The following RAVER2 variants were observed in gnomAD, a reference collection of about 807,000 sequenced individuals.
RAVER2 encodes ribonucleoprotein, PTB binding 2, also known as ribonucleoprotein PTB-binding 2.
A neutral mutation model predicts 78.1 loss-of-function variants in RAVER2; 46 were observed. The ratio of observed to expected loss-of-function variants is 0.59; its 90% CI spans 0.46 to 0.75. The LOEUF is 0.75. RAVER2 is among the 30% of genes least tolerant of loss of function. The probability of loss-of-function intolerance (pLI) is 0.00; values close to 1 mark genes in which losing one functional copy is unlikely to be tolerated. For synonymous variants in RAVER2, 311 were observed against 313.3 expected (o/e 0.99, Z 0.08); for missense variants, 793 against 837.5 (o/e 0.95, Z 0.66).
chr1:64,798,508 C>T (rs1653165382), intron 5 of RAVER2, among the ~76,000 whole-genome samples: 1 of 151,802 alleles, frequency 6.6e-6, no homozygotes, highest in African/African-American at 2.4e-5. Flanking sequence ...CACTGACTTC[C>T]ACAATGGTTG....
At chr1:64,801,593 G>A (rs559931493) in intron 5 of RAVER2, among the ~76,000 whole-genome samples, 67 of 150,152 alleles carry the variant, frequency 4.5e-4, no homozygotes, top group African/African-American at 1.6e-3. Flanking sequence ...CTCCAGGCCG[G>A]GCGCGGTGGC....
At chr1:64,792,898 AATG>A (rs1220469608) in intron 5 of RAVER2, among the ~76,000 whole-genome samples, 1 of 152,170 alleles carries the variant, frequency 6.6e-6, no homozygotes, top group Non-Finnish European at 1.5e-5. Flanking sequence ...CAACTAAATT[AATG>A]ATAAAGAATT....
chr1:64,778,229 C>G, intron 3 of RAVER2, 137 bp downstream of exon 3: 2 of 733,320 alleles, frequency 2.7e-6, no homozygotes, highest in South Asian at 5.1e-5. Context: ...GTAGGGAAGA[C>G]TTTGATCTCA....
chr1:64,753,502 C>T (rs1651758565), intron 1 of RAVER2, among the ~76,000 whole-genome samples: 1 of 151,260 alleles, frequency 6.6e-6, no homozygotes, highest in Non-Finnish European at 1.5e-5. Flanking sequence ...CAACGTCTAC[C>T]CTCTGGCAAT....
At chr1:64,830,993 T>C in exon 12 of RAVER2, 1 of 1,610,898 alleles carries the variant, frequency 6.2e-7, no homozygotes, top group Non-Finnish European at 8.5e-7. Flanking sequence ...TGAGTTAAGC[T>C]CTCTCCTAAT....
chr1:64,771,720 T>A (rs569622754), intron 2 of RAVER2, among the ~76,000 whole-genome samples: 73 of 152,144 alleles, frequency 4.8e-4, no homozygotes, highest in African/African-American at 1.6e-3. Context: ...CGTTTGACAA[T>A]TGACTGTGAT....
intron 6 of RAVER2, among the ~76,000 whole-genome samples, chr1:64,804,115 C>T (rs1653345534): frequency 6.6e-6 from 1 of 152,146 alleles, no homozygotes; most frequent in African/African-American, 2.4e-5. Flanking sequence ...GGTCCTTCTT[C>T]CTGGAACGCT....
intron 1 of RAVER2, among the ~76,000 whole-genome samples, chr1:64,746,784 A>G (rs1041567657): frequency 5.3e-5 from 8 of 152,126 alleles, no homozygotes; most frequent in Non-Finnish European, 1.0e-4. Context: ...CAATGGACTG[A>G]TTTCTTGGAA....
chr1:64,768,200 A>G (rs568704121), intron 1 of RAVER2, among the ~76,000 whole-genome samples: 4 of 152,148 alleles, frequency 2.6e-5, no homozygotes, highest in Non-Finnish European at 4.4e-5. Context: ...ACTTATTTCC[A>G]CAAGAGAGGC....
intron 5 of RAVER2, 64 bp from the exon 6 acceptor site, chr1:64,802,912 C>A: frequency 9.1e-7 from 1 of 1,098,994 alleles, no homozygotes; most frequent in South Asian, 1.5e-5. Flanking sequence ...CTTTTCGAAG[C>A]TTGGTTTTTA....
At chr1:64,806,021 A>G (rs763722197) in intron 8 of RAVER2, among the ~76,000 whole-genome samples, 11 of 152,324 alleles carry the variant, frequency 7.2e-5, no homozygotes, top group African/African-American at 1.2e-4. Flanking sequence ...CTATATTCTA[A>G]ACGTTAGGGG....
intron 4 of RAVER2, 149 bp downstream of exon 4, chr1:64,781,720 A>C (rs1652635391): frequency 1.2e-6 from 1 of 829,356 alleles, no homozygotes; most frequent in East Asian, 2.8e-5. Flanking sequence ...TTTTTTAAAA[A>C]AGGTTAGCTA....
chr1:64,753,597 A>C (rs1190403706), intron 1 of RAVER2, among the ~76,000 whole-genome samples: 1 of 143,540 alleles, frequency 7.0e-6, no homozygotes, highest in Non-Finnish European at 1.5e-5. Context: ...GGCTCACTGC[A>C]ACTGTAACCT....
chr1:64,765,405 CAG>C (rs1176393126), intron 1 of RAVER2, among the ~76,000 whole-genome samples: 1 of 152,162 alleles, frequency 6.6e-6, no homozygotes, highest in African/African-American at 2.4e-5. Context: ...ACTATAGTCA[CAG>C]AATGGCATAG....
chr1:64,747,225 AT>A lies in RAVER2; in HGVS notation c.249+1811del, dbSNP rs1309202176. 2.6e-5 allele frequency among the ~76,000 whole-genome samples: 4 copies of A among 152,188 alleles called. No individual in the cohort carries two copies. In the East Asian group the frequency reaches 7.7e-4, roughly 29 times the overall value. ...TAATATTTTCATATGTTCTGCATGA[AT>A]TTTTTTGTATTTTTTGTTTTAACAA... On this transcript the variant is annotated intron_variant, in intron 1 of 11. Coordinates refer to ENST00000294428, the Ensembl canonical transcript of RAVER2.
At chr1:64,801,001 G>GT (rs924501887) in intron 5 of RAVER2, among the ~76,000 whole-genome samples, 9 of 151,120 alleles carry the variant, frequency 6.0e-5, no homozygotes, top group South Asian at 2.1e-4. Context: ...ATAGTACAGT[G>GT]TTTTTTTATT....
At chr1:64,778,070 T>C in exon 3 of RAVER2, 1 of 1,609,908 alleles carries the variant, frequency 6.2e-7, no homozygotes, top group Non-Finnish European at 8.5e-7. Context: ...TTTTCCAGTG[T>C]CCATAAACCT....
chr1:64,801,591 C>T (rs748133514), intron 5 of RAVER2, among the ~76,000 whole-genome samples: 7 of 149,924 alleles, frequency 4.7e-5, no homozygotes, highest in East Asian at 2.0e-4. Context: ...TGCTCCAGGC[C>T]GGGCGCGGTG....
chr1:64,746,297 T>C (rs1225210331), intron 1 of RAVER2, among the ~76,000 whole-genome samples: 1 of 152,234 alleles, frequency 6.6e-6, no homozygotes, highest in Non-Finnish European at 1.5e-5. Context: ...TCTTTTCTCT[T>C]TTCCTATGCA....
Sources: gnomAD v4.1 joint callset for allele counts (sites outside exome capture counted in the v4.1 genomes callset) on GRCh38, gnomAD v4.1.1 for gene constraint, MANE v1.5 for transcripts, NCBI Gene and HGNC (gene_info 2026-07-23, HGNC 2026-07-21) for gene names.